The following CHD1L variants were observed in gnomAD, a reference collection of about 807,000 sequenced individuals.
CHD1L encodes the protein ATP-dependent chromatin remodeler CHD1L.
CHD1L carries 118 observed loss-of-function variants against 115.9 expected under a neutral mutation model. The observed-to-expected ratio is 1.02, with a 90% CI of 0.88 to 1.19. The LOEUF is 1.19. Ranked by LOEUF, CHD1L falls within the 50% of genes most tolerant of loss-of-function variation. The pLI is 0.00. For synonymous variants in CHD1L, 411 were observed against 387.1 expected, an observed-to-expected ratio of 1.06 and a Z score of -0.72; for missense variants, 1,179 against 1,065.3, an observed-to-expected ratio of 1.11 and a Z score of -1.49.
chr1:147,248,198 T>C (rs1667226027), intron 1 of CHD1L, among the ~76,000 whole-genome samples: 1 of 115,500 alleles, frequency 8.7e-6, no homozygotes, highest in Non-Finnish European at 1.7e-5. Flanking sequence ...TAAAATCCAC[T>C]CTGGAAGTCT....
the CHD1L span, among the ~76,000 whole-genome samples, chr1:147,197,575 G>A: frequency 6.6e-6 from 1 of 152,042 alleles, no homozygotes; most frequent in Non-Finnish European, 1.5e-5. Flanking sequence ...GAGTTCTCAC[G>A]AGATCTGATG....
the CHD1L span, among the ~76,000 whole-genome samples, chr1:147,195,202 C>T: frequency 4.3e-4 from 65 of 152,204 alleles, no homozygotes; most frequent in Middle Eastern, 3.4e-3. Flanking sequence ...ATGCTTTGTT[C>T]GTTTCTTTTT....
the CHD1L span, chr1:147,201,390 C>T: frequency 6.2e-7 from 1 of 1,614,080 alleles, no homozygotes; most frequent in African/African-American, 1.3e-5. Context: ...TGGAGCCATC[C>T]TCAAATATGG....
At chr1:147,195,284 A>G in the CHD1L span, among the ~76,000 whole-genome samples, 1 of 151,752 alleles carries the variant, frequency 6.6e-6, no homozygotes, top group Non-Finnish European at 1.5e-5. Flanking sequence ...ATATCCTACC[A>G]AACCCAAATA....
At chr1:147,262,274 A>G (rs1417604513) in intron 6 of CHD1L, among the ~76,000 whole-genome samples, 1 of 152,136 alleles carries the variant, frequency 6.6e-6, no homozygotes, top group African/African-American at 2.4e-5. Context: ...TGCGACATTC[A>G]TGCAGTGCAT....
chr1:147,174,808 T>A, the CHD1L span: 1 of 152,182 alleles, frequency 6.6e-6, no homozygotes, highest in African/African-American at 2.4e-5. Context: ...AATGCTCTTC[T>A]TTCTTTCTAG....
intron 8 of CHD1L, among the ~76,000 whole-genome samples, chr1:147,266,482 A>T (rs781883842): frequency 3.3e-5 from 5 of 152,200 alleles, no homozygotes; most frequent in Non-Finnish European, 7.3e-5. Context: ...TCCAAAAATA[A>T]TTCATAAATT....
chr1:147,198,807 C>T, the CHD1L span, among the ~76,000 whole-genome samples: 3 of 141,494 alleles, frequency 2.1e-5, no homozygotes, highest in Non-Finnish European at 3.0e-5. Flanking sequence ...GCCGAGATAG[C>T]GCCACTGCAC....
chr1:147,278,017 A>T (rs1023581012), intron 14 of CHD1L, among the ~76,000 whole-genome samples: 1 of 151,978 alleles, frequency 6.6e-6, no homozygotes, highest in East Asian at 1.9e-4. Flanking sequence ...GAGTGGGAAC[A>T]TGGACTGCTG....
chr1:147,200,356 G>A, the CHD1L span, among the ~76,000 whole-genome samples: 14 of 151,842 alleles, frequency 9.2e-5, no homozygotes, highest in Non-Finnish European at 7.4e-5. Flanking sequence ...ATCTCTCTCC[G>A]GCTTTTTCAG....
the CHD1L span, among the ~76,000 whole-genome samples, chr1:147,197,683 C>A: frequency 6.6e-6 from 1 of 152,106 alleles, no homozygotes; most frequent in African/African-American, 2.4e-5. Flanking sequence ...TTCCTGAGGC[C>A]TCCCCAGCCA....
At chr1:147,224,055 T>C in the CHD1L span, 1 of 392,440 alleles carries the variant, frequency 2.5e-6, no homozygotes, top group South Asian at 1.9e-5. Context: ...GAGCTGGTTG[T>C]CTTCCTGCCT....
chr1:147,266,162 C>T, intron 8 of CHD1L, 75 bp downstream of exon 8: 1 of 1,369,398 alleles, frequency 7.3e-7, no homozygotes, highest in Non-Finnish European at 1.0e-6. Flanking sequence ...TTTATAATCA[C>T]ACTCATTTGT....
chr1:147,270,521 C>CTT (rs1315878906), intron 10 of CHD1L, among the ~76,000 whole-genome samples: 145 of 150,466 alleles, frequency 9.6e-4, no homozygotes, highest in African/African-American at 2.2e-3. Flanking sequence ...TTTTTCTTTT[C>CTT]TTTTTTTTTG....
chr1:147,283,976 T>C (rs1292094153), intron 15 of CHD1L, among the ~76,000 whole-genome samples: 2 of 152,186 alleles, frequency 1.3e-5, no homozygotes, highest in Non-Finnish European at 2.9e-5. Flanking sequence ...ATATTAAAAG[T>C]GTGTTTGGAA....
At chr1:147,180,097 T>C in the CHD1L span, among the ~76,000 whole-genome samples, 2 of 152,194 alleles carry the variant, frequency 1.3e-5, no homozygotes, top group African/African-American at 4.8e-5. Flanking sequence ...AACTCTACTA[T>C]TTTTGTAACT....
upstream of CHD1L, among the ~76,000 whole-genome samples, chr1:147,239,628 CA>C (rs1664706967): frequency 2.0e-5 from 3 of 152,164 alleles, 1 homozygote; most frequent in South Asian, 6.2e-4. Context: ...TCTCTTCATA[CA>C]GTATTCAGAG....
the CHD1L span, among the ~76,000 whole-genome samples, chr1:147,214,550 C>G: frequency 6.6e-6 from 1 of 151,982 alleles, no homozygotes; most frequent in Non-Finnish European, 1.5e-5. Flanking sequence ...TTCTTTTACA[C>G]AGGCTGGTGC....
chr1:147,264,674 A>T, intron 7 of CHD1L, 90 bp downstream of exon 7: 1 of 1,373,394 alleles, frequency 7.3e-7, no homozygotes, highest in Admixed American at 2.1e-5. Context: ...AAGAAGGAGA[A>T]TTGATGACCA....
Sources: gnomAD v4.1 joint callset for allele counts (sites outside exome capture counted in the v4.1 genomes callset) on GRCh38, gnomAD v4.1.1 for gene constraint, MANE v1.5 for transcripts, NCBI Gene and HGNC (gene_info 2026-07-23, HGNC 2026-07-21) for gene names.